NEDD4L: variants seen among roughly 807,000 people sequenced by gnomAD.
NEDD4L encodes NEDD4 like E3 ubiquitin protein ligase.
A neutral mutation model predicts 148.9 loss-of-function variants in NEDD4L; 54 were observed. That is an observed-to-expected ratio of 0.36 (90% CI 0.29 to 0.45). The LOEUF (loss-of-function observed/expected upper bound fraction) is 0.45, where lower values mean the gene tolerates loss of function less well. NEDD4L is among the 20% of genes least tolerant of loss of function. The pLI is 1.00. For synonymous variants in NEDD4L, 433 were observed against 440.7 expected, an observed-to-expected ratio of 0.98 and a Z score of 0.22; for missense variants, 856 against 1,233.8, an observed-to-expected ratio of 0.69 and a Z score of 4.59.
intron 5 of NEDD4L, among the ~76,000 whole-genome samples, chr18:58,263,882 ACATTGCAGAAC>A: frequency 6.7e-6 from 1 of 149,596 alleles, no homozygotes; most frequent in Non-Finnish European, 1.5e-5. Flanking sequence ...GCTAGGAGTT[ACATTGCAGAAC>A]TAACATGGAC....
At chr18:58,309,511 G>A (rs1054909936) in intron 5 of NEDD4L, among the ~76,000 whole-genome samples, 3 of 152,094 alleles carry the variant, frequency 2.0e-5, no homozygotes, top group Admixed American at 6.5e-5. Context: ...GACAGTCCAG[G>A]TGAGGATGTG....
Position 58,145,011 on chromosome 18 carries a change from TGCAGGAA to T in NEDD4L, c.49-20771_49-20765del, listed in dbSNP as rs574731467. 1.3e-4 allele frequency among the ~76,000 whole-genome samples: 20 copies of T among 152,284 alleles called. 1 individual carries two copies. The South Asian group carries it at 3.9e-3, about 30-fold the overall frequency. On this transcript the variant is annotated intron_variant, in intron 1 of 30. Transcript: ENST00000400345. Reference sequence around the variant, plus strand: ...CCTGAGAGAGCCCAGAGACAAGCTCTGCAGGAAGCAGGCACCACCACTGGGCCAGGTG... The same window carrying T: ...CCTGAGAGAGCCCAGAGACAAGCTCTGCAGGCACCACCACTGGGCCAGGTG...
At chr18:58,358,539 C>T (rs1211952703) in intron 19 of NEDD4L, among the ~76,000 whole-genome samples, 4 of 152,126 alleles carry the variant, frequency 2.6e-5, no homozygotes, top group African/African-American at 4.8e-5. Context: ...AATTACCGGC[C>T]GTCACTCAAA....
chr18:58,327,876 A>T (rs928336400), intron 9 of NEDD4L, among the ~76,000 whole-genome samples: 1 of 152,126 alleles, frequency 6.6e-6, no homozygotes, highest in Non-Finnish European at 1.5e-5. Context: ...AAACTTGTAC[A>T]CTAAAAGCCT....
intron 23 of NEDD4L, chr18:58,371,981 C>T (rs182579232): frequency 3.3e-4 from 50 of 152,352 alleles, no homozygotes; most frequent in African/African-American, 1.2e-3. Context: ...GGCGCTTAGG[C>T]CTGTGACTGA....
At chr18:58,374,393 C>T (rs1054544861) in intron 24 of NEDD4L, among the ~76,000 whole-genome samples, 2 of 152,076 alleles carry the variant, frequency 1.3e-5, no homozygotes, top group Non-Finnish European at 2.9e-5. Flanking sequence ...AGGCAAGAGA[C>T]CTTGTGGCTT....
chr18:58,346,870 A>T (rs2043139684), intron 16 of NEDD4L, among the ~76,000 whole-genome samples: 1 of 151,966 alleles, frequency 6.6e-6, no homozygotes, highest in Admixed American at 6.6e-5. Context: ...GTCCATAACT[A>T]ATAGAGAGCC....
At chr18:58,345,425 AAAG>A (rs1281945487) in intron 16 of NEDD4L, among the ~76,000 whole-genome samples, 10 of 152,328 alleles carry the variant, frequency 6.6e-5, no homozygotes, top group Admixed American at 3.9e-4. Context: ...TTTATTTTTG[AAAG>A]AAGAAGAGAA....
intron 2 of NEDD4L, among the ~76,000 whole-genome samples, chr18:58,240,815 T>TTGTGTATG (rs1555757965): frequency 6.6e-6 from 1 of 150,790 alleles, no homozygotes; most frequent in African/African-American, 2.4e-5. Context: ...CAGCTAACAT[T>TTGTGTATG]TATGTATGTA....
At chr18:58,047,312 C>T in intron 1 of NEDD4L, 1 of 984,142 alleles carries the variant, frequency 1.0e-6, no homozygotes, top group Non-Finnish European at 1.2e-6. Context: ...AAAGTAGATT[C>T]GTATTTTGAT....
intron 1 of NEDD4L, among the ~76,000 whole-genome samples, chr18:58,141,857 T>G (rs1292631862): frequency 1.3e-5 from 2 of 152,106 alleles, no homozygotes; most frequent in Non-Finnish European, 2.9e-5. Flanking sequence ...TAAGCCTGGC[T>G]CAGCTCTTGC....
intron 1 of NEDD4L, among the ~76,000 whole-genome samples, chr18:58,122,924 A>T (rs2030239455): frequency 6.6e-6 from 1 of 151,762 alleles, no homozygotes; most frequent in Admixed American, 6.6e-5. Context: ...GCAGAGATGG[A>T]GTTTCACCAT....
At chr18:58,135,146 G>A (rs2032692534) in intron 1 of NEDD4L, among the ~76,000 whole-genome samples, 1 of 151,764 alleles carries the variant, frequency 6.6e-6, no homozygotes, top group African/African-American at 2.4e-5. Flanking sequence ...GCTGATACTA[G>A]CCTCCATGGC....
At chr18:58,116,195 C>T (rs114851568) in intron 1 of NEDD4L, among the ~76,000 whole-genome samples, 4 of 152,346 alleles carry the variant, frequency 2.6e-5, no homozygotes, top group Admixed American at 6.5e-5. Flanking sequence ...CCAGACAGCA[C>T]GCTCAGAATT....
At chr18:58,138,252 C>T (rs1329767657) in intron 1 of NEDD4L, among the ~76,000 whole-genome samples, 4 of 152,124 alleles carry the variant, frequency 2.6e-5, no homozygotes, top group Non-Finnish European at 5.9e-5. Flanking sequence ...ATGATTTGCA[C>T]TTTGAAAGGC....
chr18:58,212,759 A>C (rs2042728692), intron 2 of NEDD4L, among the ~76,000 whole-genome samples: 2 of 144,450 alleles, frequency 1.4e-5, no homozygotes, highest in South Asian at 4.5e-4. Context: ...GGCATGATCC[A>C]CCATACCTAG....
intron 26 of NEDD4L, among the ~76,000 whole-genome samples, chr18:58,386,530 C>T (rs190849750): frequency 1.3e-5 from 2 of 152,254 alleles, no homozygotes; most frequent in East Asian, 1.9e-4. Context: ...CTGCCCAGAT[C>T]GAACTTTTAA....
Position 58,080,145 on chromosome 18 carries a change from G to A in NEDD4L, c.48+35437G>A, listed in dbSNP as rs543740880. On this transcript the variant is annotated intron_variant, in intron 1 of 30. Coordinates refer to ENST00000400345, the MANE Select transcript of NEDD4L (RefSeq NM_001144967.3). ...TCACTGTCTTGCCCAGGCTGGTCTC[G>A]AACTCCTGGCCTCAAGCAGTCCTCC... Among the ~76,000 whole-genome samples the A allele has an allele frequency of 2.0e-5, 3 of 152,230 alleles. No homozygotes were observed. In the South Asian group the frequency reaches 6.2e-4, roughly 32 times the overall value.
chr18:58,095,466 A>G (rs550900402), intron 1 of NEDD4L, among the ~76,000 whole-genome samples: 1 of 104,824 alleles, frequency 9.5e-6, no homozygotes, highest in African/African-American at 5.4e-5. Flanking sequence ...GAGTAATTGG[A>G]TCTGTCTGCA....
Sources: gnomAD v4.1 joint callset for allele counts (sites outside exome capture counted in the v4.1 genomes callset) on GRCh38, gnomAD v4.1.1 for gene constraint, MANE v1.5 for transcripts, NCBI Gene and HGNC (gene_info 2026-07-23, HGNC 2026-07-21) for gene names.